TCF4: variants seen among roughly 807,000 people sequenced by gnomAD.
TCF4 encodes the protein transcription factor 4.
TCF4 carries 3 observed loss-of-function variants against 82.1 expected under a neutral mutation model. The ratio of observed to expected loss-of-function variants is 0.04; its 90% CI spans 0.02 to 0.09. The LOEUF (loss-of-function observed/expected upper bound fraction) is 0.09, where lower values mean the gene tolerates loss of function less well. TCF4 is among the 10% of genes least tolerant of loss of function. The probability of loss-of-function intolerance (pLI) is 1.00; values close to 1 mark genes in which losing one functional copy is unlikely to be tolerated. For missense variants in TCF4, 518 were observed against 852.7 expected (o/e 0.61, Z 4.89); for synonymous variants, 276 against 309.6 (o/e 0.89, Z 1.14).
Position 55,577,919 on chromosome 18 carries a change from T to G in TCF4, c.145+7361A>C, listed in dbSNP as rs1203263543. 5.9e-5 allele frequency among the ~76,000 whole-genome samples: 9 copies of G among 152,074 alleles called. No homozygotes were observed. In the South Asian group the frequency reaches 1.9e-3, roughly 31 times the overall value. Reference sequence around the variant, plus strand: ...GTTTAAAATGTCAGAGAAAAAAGTTTGTAATGGAAATGCTGACAGGCCATG... The same window carrying G: ...GTTTAAAATGTCAGAGAAAAAAGTTGGTAATGGAAATGCTGACAGGCCATG... On this transcript the variant is annotated intron_variant, in intron 3 of 19. Coordinates refer to ENST00000354452, the MANE Select transcript of TCF4 (RefSeq NM_001083962.2).
intron 6 of TCF4, among the ~76,000 whole-genome samples, chr18:55,394,922 G>C (rs1411912445): frequency 1.3e-5 from 2 of 152,176 alleles, no homozygotes; most frequent in Non-Finnish European, 2.9e-5. Context: ...CACGGCAGCA[G>C]ACTCAACGAT....
intron 2 of TCF4, among the ~76,000 whole-genome samples, chr18:55,626,045 T>C (rs1382408465): frequency 6.6e-6 from 1 of 152,210 alleles, no homozygotes; most frequent in Non-Finnish European, 1.5e-5. Flanking sequence ...CTATTTCTAT[T>C]TGATTTCAAT....
At chr18:55,556,187 T>G (rs2097302561) in intron 3 of TCF4, among the ~76,000 whole-genome samples, 1 of 152,192 alleles carries the variant, frequency 6.6e-6, no homozygotes, top group African/African-American at 2.4e-5. Flanking sequence ...TTGTTTATTC[T>G]CTTTGACTTT....
chr18:55,460,979 A>G (rs755503707), intron 5 of TCF4, 40 bp downstream of exon 5: 1 of 1,561,322 alleles, frequency 6.4e-7, no homozygotes, highest in South Asian at 1.1e-5. Flanking sequence ...GTAAAACTTG[A>G]GCATTCAAAA....
intron 3 of TCF4, among the ~76,000 whole-genome samples, chr18:55,472,519 T>C (rs763302413): frequency 8.5e-5 from 13 of 152,154 alleles, no homozygotes; most frequent in Non-Finnish European, 1.5e-5. Context: ...GTTAGTCGTT[T>C]GGGGATCCTA....
At chr18:55,580,679 T>C (rs1389248791) in intron 3 of TCF4, among the ~76,000 whole-genome samples, 3 of 151,924 alleles carry the variant, frequency 2.0e-5, no homozygotes, top group Non-Finnish European at 4.4e-5. Flanking sequence ...ACAGATAGCA[T>C]TTCGTGCGAA....
chr18:55,544,084 G>A (rs1215052732), intron 3 of TCF4, among the ~76,000 whole-genome samples: 1 of 152,114 alleles, frequency 6.6e-6, no homozygotes, highest in East Asian at 1.9e-4. Context: ...ATTATTACTT[G>A]TCAAATAGAG....
intron 5 of TCF4, among the ~76,000 whole-genome samples, chr18:55,447,661 T>C (rs1342745411): frequency 6.6e-6 from 1 of 152,204 alleles, no homozygotes; most frequent in Admixed American, 6.5e-5. Flanking sequence ...CTGAGGACCA[T>C]ATGATTGCAG....
chr18:55,273,746 G>T (rs1250919256), intron 10 of TCF4, among the ~76,000 whole-genome samples: 1 of 152,096 alleles, frequency 6.6e-6, no homozygotes, highest in South Asian at 2.1e-4. Context: ...TATGGCTTCT[G>T]ATATAGCCTA....
At chr18:55,277,717 T>C (rs1377170408) in intron 9 of TCF4, among the ~76,000 whole-genome samples, 1 of 151,924 alleles carries the variant, frequency 6.6e-6, no homozygotes, top group Non-Finnish European at 1.5e-5. Flanking sequence ...CTACCTGGCC[T>C]CTCCTGCAAT....
At chr18:55,619,093 G>C (rs1218581042) in intron 2 of TCF4, among the ~76,000 whole-genome samples, 1 of 151,916 alleles carries the variant, frequency 6.6e-6, no homozygotes, top group African/African-American at 2.4e-5. Flanking sequence ...AAAGCTATCT[G>C]GATTTGTGGT....
intron 5 of TCF4, among the ~76,000 whole-genome samples, chr18:55,441,161 T>C (rs896850784): frequency 6.6e-6 from 1 of 152,252 alleles, no homozygotes; most frequent in African/African-American, 2.4e-5. Flanking sequence ...CCAACTCATA[T>C]GTGTGCTCCA....
At chr18:55,523,133 G>A (rs551426062) in intron 3 of TCF4, among the ~76,000 whole-genome samples, 6 of 151,968 alleles carry the variant, frequency 3.9e-5, no homozygotes, top group African/African-American at 7.2e-5. Context: ...GGAAAAAACT[G>A]CCAAAATAAC....
chr18:55,288,932 A>C (rs1346688494), intron 8 of TCF4, among the ~76,000 whole-genome samples: 2 of 152,246 alleles, frequency 1.3e-5, no homozygotes, highest in Non-Finnish European at 2.9e-5. Context: ...GCCAAGTGTA[A>C]ATACAGTCTT....
At chr18:55,270,346 TA>T (rs914640375) in intron 10 of TCF4, among the ~76,000 whole-genome samples, 1 of 152,088 alleles carries the variant, frequency 6.6e-6, no homozygotes, top group Non-Finnish European at 1.5e-5. Flanking sequence ...ATATAATGAA[TA>T]AAACAACATT....
Position 55,369,019 on chromosome 18 carries a change from G to C in TCF4, c.370-18016C>G, listed in dbSNP as rs991973336. 4.6e-5 allele frequency among the ~76,000 whole-genome samples: 7 copies of C among 152,284 alleles called. No homozygotes were observed. In the East Asian group the frequency reaches 1.4e-3, roughly 29 times the overall value. On this transcript the variant is annotated intron_variant, in intron 6 of 19. Coordinates refer to ENST00000354452, the MANE Select transcript of TCF4 (RefSeq NM_001083962.2). Reference sequence around the variant, plus strand: ...ATAGGTGAAATAATATGCTGTCAAGGCTTTGCCTTAAAATATTTCAGGAAC... The same window carrying C: ...ATAGGTGAAATAATATGCTGTCAAGCCTTTGCCTTAAAATATTTCAGGAAC...
chr18:55,369,317 G>C (rs973875274), intron 6 of TCF4, among the ~76,000 whole-genome samples: 2 of 152,170 alleles, frequency 1.3e-5, no homozygotes, highest in Non-Finnish European at 2.9e-5. Context: ...TTTACATTTT[G>C]TCTCTTTCTC....
At chr18:55,262,191 T>C (rs566899344) in intron 11 of TCF4, among the ~76,000 whole-genome samples, 1 of 152,346 alleles carries the variant, frequency 6.6e-6, no homozygotes, top group African/African-American at 2.4e-5. Context: ...TACATATTCA[T>C]GAAGCTTATC....
At chr18:55,252,346 G>C (rs759155207) in intron 15 of TCF4, among the ~76,000 whole-genome samples, 8 of 142,620 alleles carry the variant, frequency 5.6e-5, no homozygotes, top group Admixed American at 2.8e-4. Context: ...AAAACTGGCG[G>C]CTTTATTGCT....
Sources: allele counts gnomAD v4.1 joint callset (sites outside exome capture counted in the v4.1 genomes callset), GRCh38; gene constraint gnomAD v4.1.1; transcripts MANE v1.5; gene names NCBI Gene and HGNC (gene_info 2026-07-23, HGNC 2026-07-21).